The following PISD variants were observed in gnomAD, a reference collection of about 807,000 sequenced individuals.
The protein encoded by PISD is phosphatidylserine decarboxylase.
A neutral mutation model predicts 43.5 loss-of-function variants in PISD; 31 were observed. The ratio of observed to expected loss-of-function variants is 0.71; its 90% CI spans 0.54 to 0.96. The LOEUF (loss-of-function observed/expected upper bound fraction) is 0.96. PISD is among the 40% of genes least tolerant of loss of function. PISD has a pLI of 0.00. For missense variants in PISD, 523 were observed against 548.4 expected (o/e 0.95, Z 0.46); for synonymous variants, 259 against 228.7 (o/e 1.13, Z -1.20).
At position 31,621,775 on chromosome 22, in the gene PISD, G is replaced by A. The variant is rs752370590; in HGVS notation, c.432C>T (p.Ile144=). Residue 144 remains isoleucine (I), a synonymous_variant, in exon 4 of 8, where the codon ATC becomes ATT. Transcript: ENST00000439502. ...CTTTCATGTTCACCCCAAACGTCCA[G>A]ATGTACAGGCTGTAGACGGGCCTGC... The part of the protein sequence containing the change: ...WLRRPVYSLY[I]WTFGVNMKEA... 3.1e-5 allele frequency: 50 copies of A among 1,614,018 alleles called. No homozygotes were observed. The East Asian group carries it at 1.0e-3, about 33-fold the overall frequency.
Position 31,621,141 on chromosome 22 carries a change from G to A in PISD, c.699C>T (p.Ala233=), listed in dbSNP as rs372114692. ...MCTEDLPFPP[A]ASCDSFKNQL... is the part of the protein sequence containing the mutation. ...GGTTCTTGAAGGAGTCACACGACGC[G>A]GCTGTGGAGTAGGAGCAGACGTGGG... Residue 233 remains alanine (A), a splice_region_variant and synonymous_variant, in exon 6 of 8, where the codon GCC becomes GCT. Transcript: ENST00000439502. The A allele has an allele frequency of 5.1e-5, 83 of 1,614,132 alleles. No individual in the cohort carries two copies. The Middle Eastern group carries it at 8.3e-4, about 16-fold the overall frequency.
At chr22:31,632,182 C>T (rs1205389736) in intron 3 of PISD, 1 of 977,720 alleles carries the variant, frequency 1.0e-6, no homozygotes, top group African/African-American at 1.8e-5. Context: ...GTCGTCCTTA[C>T]CTGGATCCAG....
rs769463566 is a variant in PISD, at chr22:31,662,195, A to C, written c.14T>G (p.Val5Gly). Residue 5 changes from valine (V) to glycine (G), a missense_variant, in exon 1 of 8, where the codon GTG (valine) becomes GGG (glycine). By Grantham distance (109) the Val-to-Gly change is moderately radical. Coordinates refer to ENST00000439502, the MANE Select transcript of PISD (RefSeq NM_001326411.2). MATS[V>G]GHRCLGLLHG... is the part of the protein sequence containing the mutation. ...CAGTAATCCCAGACATCGGTGCCCC[A>C]CGGACGTCGCCATCTTGTCTGCTCC... The C allele has an allele frequency of 6.2e-7, 1 of 1,604,732 alleles. No homozygotes were observed.
intron 3 of PISD, among the ~76,000 whole-genome samples, chr22:31,644,547 A>G (rs537403696): frequency 1.3e-5 from 2 of 152,186 alleles, no homozygotes; most frequent in East Asian, 3.9e-4. Flanking sequence ...CCTCAAATTC[A>G]TAATTTTTAA....
chr22:31,657,784 T>C (rs1322913981), intron 1 of PISD, among the ~76,000 whole-genome samples: 2 of 152,182 alleles, frequency 1.3e-5, no homozygotes, highest in South Asian at 2.1e-4. Context: ...GCCTCCAAAG[T>C]GCTGGGATTA....
At chr22:31,620,966 C>T (rs560091923) in intron 6 of PISD, 30 bp downstream of exon 6, 1 of 1,591,488 alleles carries the variant, frequency 6.3e-7, no homozygotes, top group Non-Finnish European at 8.5e-7. Flanking sequence ...CCCACAGAGG[C>T]AGCTCCCCCC....
chr22:31,662,357 C>G (rs1414280389), upstream of PISD: 1 of 761,846 alleles, frequency 1.3e-6, no homozygotes, highest in Non-Finnish European at 2.2e-6. Context: ...TACTCCCCAC[C>G]TAACCCGCTT....
At chr22:31,620,793 T>G in intron 6 of PISD, 80 bp from the exon 7 acceptor site, 1 of 1,549,658 alleles carries the variant, frequency 6.5e-7, no homozygotes, top group South Asian at 1.2e-5. Flanking sequence ...CCAAAGGGAC[T>G]CATGGCCTGT....
At position 31,621,434 on chromosome 22, in the gene PISD, C is replaced by T. The variant is rs774511607; in HGVS notation, c.597G>A (p.Gln199=). 1.2e-6 allele frequency: 2 copies of T among 1,614,058 alleles called. No homozygotes were observed. Among genetic ancestry groups the T allele is most frequent in the South Asian group, 1.1e-5 (1 of 91,084 alleles). ...CCTGCTCCACCTCACAGTTCTTCACCTGCCCAAAGTTGAGGATCCTTCCAT... is the reference window on the plus strand; with the variant it reads ...CCTGCTCCACCTCACAGTTCTTCACTTGCCCAAAGTTGAGGATCCTTCCAT... ...PSDGRILNFG[Q]VKNCEVEQVK... is the part of the protein sequence containing the mutation. Residue 199 remains glutamine, a synonymous_variant, in exon 5 of 8, where the codon CAG becomes CAA. Coordinates refer to ENST00000439502, the MANE Select transcript of PISD (RefSeq NM_001326411.2).
Position 31,621,740 on chromosome 22 carries a change from A to T in PISD, c.467T>A (p.Val156Glu). 1 of 1,614,146 alleles carries T rather than the reference A, an allele frequency of 6.2e-7. No homozygotes were observed. Among genetic ancestry groups the T allele is most frequent in the Non-Finnish European group, 8.5e-7 (1 of 1,180,036 alleles). ...TFGVNMKEAA[V>E]EDLHHYRNLS... ...GTTGCGGTAGTGATGCAGGTCCTCC[A>T]CAGCGGCCTCTTTCATGTTCACCCC... The change falls in exon 4 of 8, where the codon GTG (valine) becomes GAG (glutamate). Residue 156 changes from valine (V) to glutamate (E), a missense_variant. Coordinates refer to ENST00000439502, the MANE Select transcript of PISD (RefSeq NM_001326411.2).
intron 3 of PISD, among the ~76,000 whole-genome samples, chr22:31,647,516 G>A (rs2147783062): frequency 6.6e-6 from 1 of 152,246 alleles, no homozygotes; most frequent in East Asian, 1.9e-4. Flanking sequence ...CAAAAAAAAG[G>A]CAATTGTTAA....
intron 3 of PISD, chr22:31,625,857 T>A (rs1172353485): frequency 3.8e-5 from 59 of 1,571,616 alleles, no homozygotes; most frequent in Non-Finnish European, 4.7e-5. Context: ...ACTCGATCAC[T>A]CCCTTTGTTT....
intron 3 of PISD, among the ~76,000 whole-genome samples, chr22:31,634,764 G>T (rs1341963955): frequency 1.4e-5 from 2 of 147,036 alleles, no homozygotes; most frequent in Admixed American, 1.4e-4. Context: ...CTTGAACCTA[G>T]GAAGCAGAGG....
intron 3 of PISD, chr22:31,638,392 A>C: frequency 1.0e-6 from 1 of 985,300 alleles, no homozygotes; most frequent in Non-Finnish European, 1.2e-6. Context: ...TGCAAGCAAA[A>C]GTGTCCACCA....
In PISD at chr22:31,630,701, C is replaced by A. The variant is rs1225417723; in HGVS notation, c.322-8816G>T. Reference sequence around the variant, plus strand: ...TGCGACCGAAGGCCCTAGAAGGGCACCCCCACCCGGCACTGGCCCTCTGAG... The same window carrying A: ...TGCGACCGAAGGCCCTAGAAGGGCAACCCCACCCGGCACTGGCCCTCTGAG... On this transcript the variant is annotated intron_variant, in intron 3 of 7. Coordinates refer to ENST00000439502, the MANE Select transcript of PISD (RefSeq NM_001326411.2). The surrounding 1 kb of genome is among the most constrained non-coding windows in gnomAD (Gnocchi z 4.4). 35 of 983,584 alleles carry A rather than the reference C, an allele frequency of 3.6e-5. No homozygotes were observed. Among genetic ancestry groups the A allele is most frequent in the Non-Finnish European group, 4.1e-5 (34 of 828,372 alleles). The allele number at this position is 983,584 out of a possible 1,614,324, so 60.9% of individuals were successfully genotyped here. A position where few individuals can be genotyped will look rare whatever the true frequency, so the allele number is the denominator to read the frequency against.
At chr22:31,655,076 C>CAAA (rs1038608958) in intron 1 of PISD, among the ~76,000 whole-genome samples, 1,442 of 56,960 alleles carry the variant, frequency 0.025, 24 homozygotes, top group Non-Finnish European at 0.039. Context: ...ACTCTATCTC[C>CAAA]AAAAAAAAAA....
intron 2 of PISD, among the ~76,000 whole-genome samples, chr22:31,649,283 C>T (rs2073970867): frequency 6.6e-6 from 1 of 152,034 alleles, no homozygotes; most frequent in Admixed American, 6.6e-5. Flanking sequence ...ATACATTGGC[C>T]AATAAGCACA....
chr22:31,647,656 G>A (rs1302923872), intron 3 of PISD, among the ~76,000 whole-genome samples: 1 of 152,184 alleles, frequency 6.6e-6, no homozygotes, highest in Admixed American at 6.6e-5. Flanking sequence ...AACAATGCAG[G>A]CTGCCCCTAT....
chr22:31,637,150 AAAAAAAAAAAAAAAATATAT>A lies in PISD; in HGVS notation c.321+10931_321+10950del, dbSNP rs1171545907. Among the ~76,000 whole-genome samples, 8 of 19,304 alleles carry A rather than the reference AAAAAAAAAAAAAAAATATAT, an allele frequency of 4.1e-4. No homozygotes were observed. The Middle Eastern group carries it at 0.079, about 191-fold the overall frequency. The allele number at this position is 19,304 out of a possible 152,430, so 12.7% of individuals were successfully genotyped here. A position where few individuals can be genotyped will look rare whatever the true frequency, so the allele number is the denominator to read the frequency against. On this transcript the variant is annotated intron_variant, in intron 3 of 7. Coordinates refer to ENST00000439502, the MANE Select transcript of PISD (RefSeq NM_001326411.2). Reference sequence around the variant, plus strand: ...AAATAATAATAAATAAATTAAAAAAAAAAAAAAAAAAAAAATATATATATATATATATATATATATATATA... The same window carrying A: ...AAATAATAATAAATAAATTAAAAAAAATATATATATATATATATATATATA...
Sources: gnomAD v4.1 joint callset for allele counts (sites outside exome capture counted in the v4.1 genomes callset) on GRCh38, gnomAD v4.1.1 for gene constraint, Gnocchi (gnomAD v3.1) non-coding constraint, MANE v1.5 for transcripts, NCBI Gene and HGNC (gene_info 2026-07-23, HGNC 2026-07-21) for gene names.